The following TRAF3IP1 variants were observed in gnomAD, a reference collection of about 807,000 sequenced individuals.
TRAF3IP1 encodes the protein TRAF3-interacting protein 1.
A neutral mutation model predicts 89.9 loss-of-function variants in TRAF3IP1; 53 were observed. The observed-to-expected ratio is 0.59, with a 90% CI of 0.47 to 0.74. TRAF3IP1 has a LOEUF of 0.74. TRAF3IP1 is among the 30% of genes least tolerant of loss of function. TRAF3IP1 has a pLI of 0.00. For missense variants in TRAF3IP1, 806 were observed against 866.1 expected (o/e 0.93, Z 0.87); for synonymous variants, 311 against 322.1 (o/e 0.97, Z 0.37).
At position 238,338,389 on chromosome 2, in the gene TRAF3IP1, A is replaced by G. The variant is rs2106377226; in HGVS notation, c.1091A>G (p.Lys364Arg). 1.3e-6 allele frequency: 2 copies of G among 1,593,816 alleles called. No homozygotes were observed. The highest frequency in any genetic ancestry group is 1.7e-6 in the Non-Finnish European group (2 of 1,170,732). Residue 364 changes from lysine to arginine, a missense_variant, in exon 8 of 17, where the codon AAA becomes AGA. Physicochemically the swap from Lys to Arg is conservative, Grantham distance 26. This residue lies in a region of TRAF3IP1 where 732 missense variants were observed against 780.5 expected (regional missense o/e 0.94). Coordinates refer to ENST00000373327, the MANE Select transcript of TRAF3IP1 (RefSeq NM_015650.4). The stretch of plus-strand genomic sequence containing the variant: ...AGGAAGGAGGATAATATTTCAGCTA[A>G]AAGTTTAGACTCCATAGTGTCTGGA... ...EGRKEDNISA[K>R]SLDSIVSGIN...
intron 15 of TRAF3IP1, among the ~76,000 whole-genome samples, chr2:238,365,722 T>C (rs191428096): frequency 1.7e-3 from 252 of 152,152 alleles, no homozygotes; most frequent in African/African-American, 5.9e-3. Flanking sequence ...ACTCTGTTGG[T>C]AAGACTTTAA....
At chr2:238,356,712 G>A (rs1699426038) in intron 15 of TRAF3IP1, among the ~76,000 whole-genome samples, 1 of 152,002 alleles carries the variant, frequency 6.6e-6, no homozygotes, top group African/African-American at 2.4e-5. Context: ...CTTCTCCCAG[G>A]TCCTGTTTGC....
chr2:238,387,737 T>C (rs1234526771), intron 15 of TRAF3IP1, among the ~76,000 whole-genome samples: 3 of 152,228 alleles, frequency 2.0e-5, no homozygotes, highest in Non-Finnish European at 4.4e-5. Context: ...AATAAAACAC[T>C]ATTCAGAAAC....
chr2:238,357,348 C>T (rs1229566965), intron 15 of TRAF3IP1, among the ~76,000 whole-genome samples: 1 of 152,134 alleles, frequency 6.6e-6, no homozygotes, highest in Non-Finnish European at 1.5e-5. Context: ...GATATTTAGC[C>T]TAATAACTCA....
In TRAF3IP1 at chr2:238,325,900, T is replaced by C. The variant is rs1025631475; in HGVS notation, c.284T>C (p.Ile95Thr). 6.2e-7 allele frequency: 1 copy of C among 1,614,084 alleles called. No individual in the cohort carries two copies. The highest frequency in any genetic ancestry group is 8.5e-7 in the Non-Finnish European group (1 of 1,180,036). The change falls in exon 3 of 17, where the codon ATC becomes ACC. Residue 95 changes from isoleucine to threonine, a missense_variant. Transcript: ENST00000373327. ...CCACTGTTGGCCAAACCAGCCCGAATCGTGGCGGGGCATGAGCCTGAAAGA... is the reference window on the plus strand; with the variant it reads ...CCACTGTTGGCCAAACCAGCCCGAACCGTGGCGGGGCATGAGCCTGAAAGA... ...GEPLLAKPARIVAGHEPERTN... is the reference protein window; with the variant it reads ...GEPLLAKPARTVAGHEPERTN...
intron 8 of TRAF3IP1, among the ~76,000 whole-genome samples, chr2:238,339,823 A>G (rs59940899): frequency 0.25 from 38,640 of 152,286 alleles, 5,961 homozygotes; most frequent in Middle Eastern, 0.45. Context: ...GCTCATCCTG[A>G]GATGGGCAAT....
At position 238,328,779 on chromosome 2, in the gene TRAF3IP1, G is replaced by A. The variant is rs749941998; in HGVS notation, c.448G>A (p.Asp150Asn). The A allele has an allele frequency of 7.4e-6, 12 of 1,613,928 alleles. No individual in the cohort carries two copies. Among genetic ancestry groups the A allele is most frequent in the Non-Finnish European group, 1.0e-5 (12 of 1,180,032 alleles). Residue 150 changes from aspartate to asparagine, a missense_variant, in exon 4 of 17, where the codon GAT becomes AAT. Asp to Asn is a conservative substitution (Grantham distance 23). Transcript: ENST00000373327. ...ACTGACCTCAAGATCTCAGGAATTG[G>A]ATAATAAGAATGTGCGAGAAGAAGA... ...ASLTSRSQEL[D>N]NKNVREEESR...
chr2:238,390,258 C>G (rs536555193), intron 15 of TRAF3IP1, among the ~76,000 whole-genome samples: 1 of 152,102 alleles, frequency 6.6e-6, no homozygotes, highest in Admixed American at 6.5e-5. Flanking sequence ...AAAAAGGTGC[C>G]GTGGGTGGTT....
In TRAF3IP1 at chr2:238,379,077, A is replaced by T. The variant is rs1183696103; in HGVS notation, c.1690-18382A>T. 1.3e-5 allele frequency among the ~76,000 whole-genome samples: 2 copies of T among 152,028 alleles called. No homozygotes were observed. The highest frequency in any genetic ancestry group is 2.9e-5 in the Non-Finnish European group (2 of 68,012). On this transcript the variant is annotated intron_variant, in intron 15 of 16. Coordinates refer to ENST00000373327, the MANE Select transcript of TRAF3IP1 (RefSeq NM_015650.4). This position sits in a 1 kb window ranked among gnomAD's most constrained non-coding sequence, Gnocchi z 4.0. ...CGCCCTGTGTCAGGTGCTCAGCGGAACCCCAGACTTGTTCTCCTTGTTTCC... is the reference window on the plus strand; with the variant it reads ...CGCCCTGTGTCAGGTGCTCAGCGGATCCCCAGACTTGTTCTCCTTGTTTCC...
chr2:238,325,837 A>C lies in TRAF3IP1; in HGVS notation c.221A>C (p.Gln74Pro), dbSNP rs756000108. The change falls in exon 3 of 17, where the codon CAA becomes CCA. Residue 74 changes from glutamine (Q) to proline (P), a missense_variant. By Grantham distance (76) the Gln-to-Pro change is moderately conservative. Transcript: ENST00000373327. ...KDKDAKISFL[Q>P]KAIDVVVMVS... Reference sequence around the variant, plus strand: ...AAAGATGCAAAAATTAGCTTCCTACAAAAGGCCATAGACGTGGTTGTAATG... The same window carrying C: ...AAAGATGCAAAAATTAGCTTCCTACCAAAGGCCATAGACGTGGTTGTAATG... 1.2e-6 allele frequency: 2 copies of C among 1,612,398 alleles called. No homozygotes were observed. The highest frequency in any genetic ancestry group is 1.7e-6 in the Non-Finnish European group (2 of 1,179,658).
chr2:238,335,052 A>G (rs1049721754), intron 7 of TRAF3IP1, among the ~76,000 whole-genome samples: 5 of 151,932 alleles, frequency 3.3e-5, no homozygotes, highest in Non-Finnish European at 7.4e-5. Flanking sequence ...GTTCTTACTG[A>G]TTTGCTTGCA....
In TRAF3IP1 at chr2:238,397,482, A is replaced by G. The variant is rs151008449; in HGVS notation, c.1713A>G (p.Ala571=). Residue 571 remains alanine, a synonymous_variant, in exon 16 of 17, where the codon GCA becomes GCG. Coordinates refer to ENST00000373327, the MANE Select transcript of TRAF3IP1 (RefSeq NM_015650.4). ...AGGAGCGATCTCTCTTTGAGTCGGC[A>G]TGGAAGAAGGAGAAGGACATCGTTT... ...GEKERSLFES[A]WKKEKDIVSK... 42 of 1,612,794 alleles carry G rather than the reference A, an allele frequency of 2.6e-5. No homozygotes were observed. Among genetic ancestry groups the G allele is most frequent in the Middle Eastern group, 1.6e-4 (1 of 6,080 alleles).
rs200601081 is a variant in TRAF3IP1 at position 238,349,413 on chromosome 2, G to A, written c.1451+5G>A. 154 of 1,613,646 alleles carry A rather than the reference G, an allele frequency of 9.5e-5. No individual in the cohort carries two copies. The East Asian group carries it at 2.3e-3, about 24-fold the overall frequency. The stretch of plus-strand genomic sequence containing the variant: ...GGAGGCGCTACAAATGGATAGGTAA[G>A]GCTGGCTCAGCAGGGCAGTTCCAGC... On this transcript the variant is annotated splice_donor_5th_base_variant and intron_variant, in intron 12 of 16. Coordinates refer to ENST00000373327, the MANE Select transcript of TRAF3IP1 (RefSeq NM_015650.4).
chr2:238,355,348 A>G (rs1699361656), intron 14 of TRAF3IP1, among the ~76,000 whole-genome samples: 1 of 152,258 alleles, frequency 6.6e-6, no homozygotes, highest in South Asian at 2.1e-4. Context: ...ACAAACAAAT[A>G]AATAAATGCA....
intron 8 of TRAF3IP1, among the ~76,000 whole-genome samples, chr2:238,340,854 G>T (rs62196668): frequency 0.28 from 40,167 of 143,696 alleles, 5,387 homozygotes; most frequent in South Asian, 0.3. Flanking sequence ...TATAGAGAGA[G>T]AGAGACAGAG....
At chr2:238,336,079 A>G (rs1026411989) in intron 7 of TRAF3IP1, among the ~76,000 whole-genome samples, 6 of 152,116 alleles carry the variant, frequency 3.9e-5, no homozygotes, top group Non-Finnish European at 5.9e-5. Flanking sequence ...GCTGTAAGCC[A>G]CTGTGCCTGG....
At chr2:238,387,075 G>C (rs957151444) in intron 15 of TRAF3IP1, among the ~76,000 whole-genome samples, 6 of 152,168 alleles carry the variant, frequency 3.9e-5, no homozygotes, top group Non-Finnish European at 8.8e-5. Flanking sequence ...CTACAGATGA[G>C]ACAGGCGTTA....
At chr2:238,378,190 T>C (rs1245230646) in intron 15 of TRAF3IP1, among the ~76,000 whole-genome samples, 1 of 152,202 alleles carries the variant, frequency 6.6e-6, no homozygotes, top group Non-Finnish European at 1.5e-5. Flanking sequence ...TCTCCAGTTT[T>C]ATTTAAATTT....
chr2:238,354,030 T>C (rs2106328694), intron 14 of TRAF3IP1, among the ~76,000 whole-genome samples: 2 of 152,340 alleles, frequency 1.3e-5, no homozygotes, highest in East Asian at 3.9e-4. Context: ...CGCCTTGGCC[T>C]CCCAAAGTGC....
Sources: allele counts gnomAD v4.1 joint callset (sites outside exome capture counted in the v4.1 genomes callset), GRCh38; gene constraint gnomAD v4.1.1; regional missense constraint gnomAD v4.1.1; non-coding constraint Gnocchi (gnomAD v3.1); transcripts MANE v1.5; gene names NCBI Gene and HGNC (gene_info 2026-07-23, HGNC 2026-07-21).